The following CNTNAP5 variants were observed in gnomAD, a reference collection of about 807,000 sequenced individuals.
The protein encoded by CNTNAP5 is contactin associated protein family member 5, also known as contactin-associated protein-like 5.
Under a neutral mutation model 150.2 loss-of-function variants are expected in CNTNAP5, and 72 were observed. The observed-to-expected ratio is 0.48, with a 90% CI of 0.40 to 0.58. CNTNAP5 has a LOEUF of 0.58. Among genes scored for constraint, CNTNAP5 ranks in the 20% least tolerant of loss-of-function variants. The pLI is 0.00. For synonymous variants in CNTNAP5, 672 were observed against 619.8 expected, an observed-to-expected ratio of 1.08 and a Z score of -1.25; for missense variants, 1,636 against 1,626.2, an observed-to-expected ratio of 1.01 and a Z score of -0.10.
intron 10 of CNTNAP5, among the ~76,000 whole-genome samples, chr2:124,550,684 C>T (rs555436154): frequency 3.3e-4 from 51 of 152,254 alleles, no homozygotes; most frequent in Admixed American, 5.9e-4. Context: ...CTGTCAATTG[C>T]GTGGTGGACT....
At chr2:124,175,551 T>C (rs1469210791) in intron 1 of CNTNAP5, among the ~76,000 whole-genome samples, 2 of 152,180 alleles carry the variant, frequency 1.3e-5, no homozygotes, top group Non-Finnish European at 2.9e-5. Context: ...ACCCGGGTAG[T>C]GAGCATAGTA....
intron 19 of CNTNAP5, among the ~76,000 whole-genome samples, chr2:124,864,176 AT>A (rs1408340661): frequency 1.3e-5 from 2 of 152,178 alleles, no homozygotes; most frequent in African/African-American, 2.4e-5. Context: ...TTATTACCCC[AT>A]GGCAATTTTT....
At chr2:124,847,568 T>TA (rs1049312513) in intron 19 of CNTNAP5, among the ~76,000 whole-genome samples, 24 of 152,168 alleles carry the variant, frequency 1.6e-4, no homozygotes, top group African/African-American at 5.8e-4. Context: ...CAAGCCGACT[T>TA]ACAGGCTTTT....
intron 1 of CNTNAP5, among the ~76,000 whole-genome samples, chr2:124,150,817 C>A (rs1684387800): frequency 6.6e-6 from 1 of 152,160 alleles, no homozygotes; most frequent in Admixed American, 6.6e-5. Context: ...GGAATTAAGG[C>A]TTCAATATGT....
At chr2:124,669,990 A>T (rs1220615170) in intron 13 of CNTNAP5, among the ~76,000 whole-genome samples, 5 of 152,208 alleles carry the variant, frequency 3.3e-5, no homozygotes, top group African/African-American at 4.8e-5. Flanking sequence ...GACTTCAGTG[A>T]TCCAGTGTCC....
At chr2:124,878,927 C>T (rs1677913852) in intron 21 of CNTNAP5, among the ~76,000 whole-genome samples, 1 of 151,994 alleles carries the variant, frequency 6.6e-6, no homozygotes, top group Admixed American at 6.6e-5. Context: ...CAGTAATCTG[C>T]CCATCTCGGC....
chr2:124,731,173 C>T (rs1432047499), intron 13 of CNTNAP5, among the ~76,000 whole-genome samples: 2 of 152,072 alleles, frequency 1.3e-5, no homozygotes, highest in African/African-American at 2.4e-5. Flanking sequence ...TGCAGACATA[C>T]ATGAATAGAG....
intron 1 of CNTNAP5, among the ~76,000 whole-genome samples, chr2:124,050,268 A>C (rs996077239): frequency 6.6e-6 from 1 of 152,108 alleles, no homozygotes; most frequent in Non-Finnish European, 1.5e-5. Flanking sequence ...GTTTGAGGTC[A>C]GCCCCGGCAA....
At chr2:124,807,528 G>A (rs577761400) in intron 19 of CNTNAP5, among the ~76,000 whole-genome samples, 97 of 152,190 alleles carry the variant, frequency 6.4e-4, no homozygotes, top group Middle Eastern at 3.4e-3. Flanking sequence ...CTATGGAGTC[G>A]GTACTAGTAT....
At chr2:124,216,584 C>T (rs1338725873) in intron 1 of CNTNAP5, among the ~76,000 whole-genome samples, 4 of 152,076 alleles carry the variant, frequency 2.6e-5, no homozygotes, top group Non-Finnish European at 2.9e-5. Flanking sequence ...ATTCCCCTTC[C>T]TTTGTCCATG....
intron 11 of CNTNAP5, among the ~76,000 whole-genome samples, chr2:124,568,697 T>G (rs1263573080): frequency 6.6e-6 from 1 of 152,232 alleles, no homozygotes; most frequent in Non-Finnish European, 1.5e-5. Context: ...GAGGATCTGT[T>G]TTGTTTCCAA....
chr2:124,120,946 G>T (rs571844165), intron 1 of CNTNAP5, among the ~76,000 whole-genome samples: 233 of 152,068 alleles, frequency 1.5e-3, no homozygotes, highest in Middle Eastern at 3.4e-3. Flanking sequence ...CTATTTTTTT[G>T]ATGTTGTTTG....
chr2:124,035,369 C>T (rs1164912765), intron 1 of CNTNAP5, among the ~76,000 whole-genome samples: 3 of 150,386 alleles, frequency 2.0e-5, no homozygotes, highest in South Asian at 2.1e-4. Flanking sequence ...TCTTTCCTCT[C>T]GTCTCTCTTC....
At chr2:124,793,143 T>C (rs931559283) in intron 18 of CNTNAP5, among the ~76,000 whole-genome samples, 1 of 152,198 alleles carries the variant, frequency 6.6e-6, no homozygotes, top group African/African-American at 2.4e-5. Flanking sequence ...CATTTTACAT[T>C]CTCACCGGCA....
chr2:124,591,298 C>T (rs190276368), intron 11 of CNTNAP5, among the ~76,000 whole-genome samples: 35 of 152,236 alleles, frequency 2.3e-4, no homozygotes, highest in African/African-American at 7.5e-4. Context: ...ACCTTCAATG[C>T]TAATTTAGAG....
chr2:124,106,310 TTAC>T (rs1229483284), intron 1 of CNTNAP5, among the ~76,000 whole-genome samples: 9 of 152,272 alleles, frequency 5.9e-5, no homozygotes, highest in African/African-American at 2.2e-4. Flanking sequence ...TGCCAACAAG[TTAC>T]TGGTGGCTGG....
At chr2:124,321,704 A>C (rs1392719424) in intron 3 of CNTNAP5, among the ~76,000 whole-genome samples, 1 of 152,188 alleles carries the variant, frequency 6.6e-6, no homozygotes, top group Non-Finnish European at 1.5e-5. Flanking sequence ...AATTAATAGA[A>C]TGTCTCCAAG....
At chr2:124,174,110 G>GGAAAA (rs1264873989) in intron 1 of CNTNAP5, among the ~76,000 whole-genome samples, 2 of 143,002 alleles carry the variant, frequency 1.4e-5, no homozygotes, top group East Asian at 4.2e-4. Flanking sequence ...TACTGCTCAG[G>GGAAAA]AAAAAAAAAA....
intron 3 of CNTNAP5, among the ~76,000 whole-genome samples, chr2:124,274,209 G>T (rs745354148): frequency 6.6e-6 from 1 of 152,056 alleles, no homozygotes; most frequent in African/African-American, 2.4e-5. Flanking sequence ...ACCTTAATTT[G>T]CACTAGCCAT....
Sources: allele counts gnomAD v4.1 joint callset (sites outside exome capture counted in the v4.1 genomes callset), GRCh38; gene constraint gnomAD v4.1.1; transcripts MANE v1.5; gene names NCBI Gene and HGNC (gene_info 2026-07-23, HGNC 2026-07-21).